The following PRKG1 variants were observed in gnomAD, a reference collection of about 807,000 sequenced individuals.
PRKG1 encodes the protein protein kinase cGMP-dependent 1.
Under a neutral mutation model 88.1 loss-of-function variants are expected in PRKG1, and 35 were observed. The observed-to-expected ratio is 0.40, with a 90% CI of 0.30 to 0.53. The LOEUF (loss-of-function observed/expected upper bound fraction) is 0.53, where lower values mean the gene tolerates loss of function less well. PRKG1 is among the 20% of genes least tolerant of loss of function. PRKG1 has a pLI of 0.59. For missense variants in PRKG1, 540 were observed against 839.8 expected (o/e 0.64, Z 4.41); for synonymous variants, 303 against 292.5 (o/e 1.04, Z -0.37).
chr10:52,162,014 A>G, intron 9 of PRKG1, 51 bp downstream of exon 9: 1 of 1,480,828 alleles, frequency 6.8e-7, no homozygotes, highest in Non-Finnish European at 9.4e-7. Flanking sequence ...TTGAATAGAA[A>G]TAAGATCAAA....
chr10:51,540,263 A>G (rs973385265), intron 3 of PRKG1, among the ~76,000 whole-genome samples: 1 of 152,240 alleles, frequency 6.6e-6, no homozygotes, highest in Non-Finnish European at 1.5e-5. Flanking sequence ...TAGTTTTAAA[A>G]TATGTAACCT....
intron 5 of PRKG1, among the ~76,000 whole-genome samples, chr10:52,019,792 C>CT (rs1845135615): frequency 2.0e-5 from 3 of 152,184 alleles, no homozygotes; most frequent in Middle Eastern, 3.4e-3. Flanking sequence ...GATTGGAGGT[C>CT]TTTTTGTCTG....
chr10:51,816,537 A>ATGTGTG (rs35430934), intron 4 of PRKG1, among the ~76,000 whole-genome samples: 1,831 of 145,994 alleles, frequency 0.013, 20 homozygotes, highest in South Asian at 0.019. Context: ...TAATTTTGGC[A>ATGTGTG]TGTGTGTGTG....
chr10:51,412,459 A>G (rs892537521), intron 2 of PRKG1, among the ~76,000 whole-genome samples: 1 of 103,744 alleles, frequency 9.6e-6, no homozygotes, highest in Non-Finnish European at 2.4e-5. Context: ...CCTGGCCAAC[A>G]TGGTGAAAAC....
At chr10:51,848,587 G>A (rs1031745465) in intron 4 of PRKG1, among the ~76,000 whole-genome samples, 1 of 151,946 alleles carries the variant, frequency 6.6e-6, no homozygotes, top group Non-Finnish European at 1.5e-5. Flanking sequence ...CCTAGAGACA[G>A]AAGATCATCA....
intron 5 of PRKG1, among the ~76,000 whole-genome samples, chr10:51,951,182 G>C (rs1030277492): frequency 1.3e-5 from 2 of 152,086 alleles, no homozygotes; most frequent in Non-Finnish European, 2.9e-5. Flanking sequence ...GTTTTTTTTG[G>C]CTTGAAGGTG....
chr10:51,949,831 G>A (rs998558966), intron 5 of PRKG1, among the ~76,000 whole-genome samples: 5 of 152,274 alleles, frequency 3.3e-5, no homozygotes, highest in Admixed American at 2.6e-4. Flanking sequence ...GTCAGAGGGT[G>A]TCTTCTCAGA....
intron 2 of PRKG1, among the ~76,000 whole-genome samples, chr10:51,352,589 A>G (rs189652190): frequency 8.7e-4 from 133 of 152,302 alleles, no homozygotes; most frequent in African/African-American, 3.0e-3. Flanking sequence ...AGGAAATTGA[A>G]GAGGACACAC....
At chr10:52,108,707 T>C (rs1288926031) in intron 7 of PRKG1, among the ~76,000 whole-genome samples, 5 of 152,146 alleles carry the variant, frequency 3.3e-5, no homozygotes, top group African/African-American at 1.2e-4. Context: ...AAAACCTGTC[T>C]TTTGAAAATG....
At chr10:51,680,661 T>C (rs1274986057) in intron 3 of PRKG1, among the ~76,000 whole-genome samples, 1 of 152,250 alleles carries the variant, frequency 6.6e-6, no homozygotes, top group African/African-American at 2.4e-5. Context: ...TTCTCTTTAA[T>C]TGTGTTCCTA....
At chr10:51,879,941 G>C (rs1350516311) in intron 4 of PRKG1, among the ~76,000 whole-genome samples, 1 of 152,198 alleles carries the variant, frequency 6.6e-6, no homozygotes, top group African/African-American at 2.4e-5. Flanking sequence ...AGAACCTCAG[G>C]CTGTGGCCTG....
At chr10:51,718,569 G>A (rs1219230746) in intron 3 of PRKG1, among the ~76,000 whole-genome samples, 1 of 152,160 alleles carries the variant, frequency 6.6e-6, no homozygotes, top group Non-Finnish European at 1.5e-5. Context: ...ATCTTTGAAA[G>A]CATGTTATAG....
intron 4 of PRKG1, among the ~76,000 whole-genome samples, chr10:51,893,567 C>T (rs1180678769): frequency 6.6e-6 from 1 of 152,130 alleles, no homozygotes; most frequent in Non-Finnish European, 1.5e-5. Flanking sequence ...TGCTTCATTG[C>T]ATTTGGCTTT....
At chr10:51,177,492 C>T (rs1024624834) in intron 2 of PRKG1, among the ~76,000 whole-genome samples, 2 of 152,088 alleles carry the variant, frequency 1.3e-5, no homozygotes, top group African/African-American at 4.8e-5. Context: ...TCTAAAGACT[C>T]CAAGCCTTTC....
At chr10:51,161,613 C>CT (rs572832688) in intron 2 of PRKG1, among the ~76,000 whole-genome samples, 6 of 151,698 alleles carry the variant, frequency 4.0e-5, no homozygotes, top group African/African-American at 1.2e-4. Flanking sequence ...GAAATGCCAT[C>CT]TTTTTTTTCA....
At chr10:51,986,591 A>T (rs1194525704) in intron 5 of PRKG1, among the ~76,000 whole-genome samples, 1 of 152,182 alleles carries the variant, frequency 6.6e-6, no homozygotes, top group Non-Finnish European at 1.5e-5. Context: ...TGCCAGAGAA[A>T]AAGTCCATAG....
chr10:51,139,157 A>G (rs1845767141), intron 1 of PRKG1, among the ~76,000 whole-genome samples: 1 of 152,204 alleles, frequency 6.6e-6, no homozygotes, highest in South Asian at 2.1e-4. Flanking sequence ...TCTGCTTTCT[A>G]GCAAGTTTCA....
intron 5 of PRKG1, among the ~76,000 whole-genome samples, chr10:51,971,740 T>A (rs2454570): frequency 0.22 from 33,724 of 152,078 alleles, 4,304 homozygotes; most frequent in Admixed American, 0.31. Flanking sequence ...CATCCTAATG[T>A]ACACTTCATT....
At chr10:51,027,017 C>T (rs1377791256) in intron 1 of PRKG1, among the ~76,000 whole-genome samples, 1 of 151,922 alleles carries the variant, frequency 6.6e-6, no homozygotes, top group Admixed American at 6.5e-5. Flanking sequence ...AAATCCAAAT[C>T]TCTTACTCAG....
Sources: gnomAD v4.1 joint callset for allele counts (sites outside exome capture counted in the v4.1 genomes callset) on GRCh38, gnomAD v4.1.1 for gene constraint, MANE v1.5 for transcripts, NCBI Gene and HGNC (gene_info 2026-07-23, HGNC 2026-07-21) for gene names.